Variants in ZNF521 observed in about 807,000 individuals in gnomAD.
The protein encoded by ZNF521 is LYST-interacting protein 3.
A neutral mutation model predicts 105.5 loss-of-function variants in ZNF521; 14 were observed. The observed-to-expected ratio is 0.13, with a 90% CI of 0.09 to 0.21. The LOEUF (loss-of-function observed/expected upper bound fraction) is 0.21. Among genes scored for constraint, ZNF521 ranks in the 10% least tolerant of loss-of-function variants. The pLI is 1.00. For synonymous variants in ZNF521, 635 were observed against 606.0 expected (o/e 1.05, Z -0.70); for missense variants, 1,233 against 1,629.7 (o/e 0.76, Z 4.19).
intron 4 of ZNF521, among the ~76,000 whole-genome samples, chr18:25,212,023 C>T (rs1264000427): frequency 6.6e-6 from 1 of 152,096 alleles, no homozygotes; most frequent in African/African-American, 2.4e-5. Flanking sequence ...TTGGAGAAAT[C>T]TCTGTGTGGT....
Position 25,227,764 on chromosome 18 carries a change from A to G in ZNF521, c.221-67T>C. On this transcript the variant is annotated intron_variant, in intron 3 of 7. Transcript: ENST00000361524. This position sits in a 1 kb window ranked among gnomAD's most constrained non-coding sequence, Gnocchi z 5.7. ...GATTCAAGAGTGAGTTTACCGTAGC[A>G]TTTCAACCAGCACGCAGAGTTGGGC... 7.2e-7 allele frequency: 1 copy of G among 1,383,080 alleles called. No homozygotes were observed. The highest frequency in any genetic ancestry group is 9.8e-7 in the Non-Finnish European group (1 of 1,016,200). The allele number at this position is 1,383,080 out of a possible 1,614,324, so 85.7% of individuals were successfully genotyped here.
intron 2 of ZNF521, 100 bp downstream of exon 2, chr18:25,350,803 ACACT>A (rs1221820306): frequency 1.7e-5 from 23 of 1,320,614 alleles, no homozygotes; most frequent in Non-Finnish European, 2.0e-5. Context: ...ACTCACACTC[ACACT>A]CACGCGCGCA....
At chr18:25,250,740 G>A (rs984905595) in intron 3 of ZNF521, among the ~76,000 whole-genome samples, 7 of 152,112 alleles carry the variant, frequency 4.6e-5, no homozygotes, top group African/African-American at 1.2e-4. Flanking sequence ...CTTTGGCTTC[G>A]ATTTCCCTCA....
chr18:25,227,011 C>G lies in ZNF521; in HGVS notation c.907G>C (p.Val303Leu). 1 of 1,614,162 alleles carries G rather than the reference C, an allele frequency of 6.2e-7. No homozygotes were observed. The highest frequency in any genetic ancestry group is 8.5e-7 in the Non-Finnish European group (1 of 1,180,020). ...ETSLMNHMEQVHSGEKKNSCS... is the reference protein window; with the variant it reads ...ETSLMNHMEQLHSGEKKNSCS... ...GAGTTCTTCTTCTCCCCGCTATGCA[C>G]CTGCTCCATGTGGTTCATGAGGGAG... Residue 303 changes from valine to leucine, a missense_variant, in exon 4 of 8, where the codon GTG (valine) becomes CTG (leucine). Val to Leu is a conservative substitution (Grantham distance 32, BLOSUM62 1). Transcript: ENST00000361524. The surrounding 1 kb of genome is among the most constrained non-coding windows in gnomAD (Gnocchi z 5.7).
chr18:25,204,863 T>C (rs1368107057), intron 4 of ZNF521, among the ~76,000 whole-genome samples: 2 of 152,142 alleles, frequency 1.3e-5, no homozygotes, highest in African/African-American at 2.4e-5. Flanking sequence ...TTTAATGTTA[T>C]GGTTTCAGTT....
intron 3 of ZNF521, among the ~76,000 whole-genome samples, chr18:25,275,779 C>T (rs542698993): frequency 6.6e-6 from 1 of 152,156 alleles, no homozygotes; most frequent in Admixed American, 6.5e-5. Context: ...GCCTACGCCA[C>T]GGAGACAGGA....
At chr18:25,065,704 G>A (rs1459714216) in intron 7 of ZNF521, among the ~76,000 whole-genome samples, 1 of 151,908 alleles carries the variant, frequency 6.6e-6, no homozygotes, top group African/African-American at 2.4e-5. Context: ...CACTCCACAT[G>A]TGATTGGATT....
At chr18:25,179,232 C>T (rs1320525546) in intron 5 of ZNF521, among the ~76,000 whole-genome samples, 2 of 138,818 alleles carry the variant, frequency 1.4e-5, no homozygotes, top group African/African-American at 2.7e-5. Flanking sequence ...CGGCTCACTG[C>T]AACCTCTGCC....
At chr18:25,142,114 G>A (rs546465305) in intron 5 of ZNF521, among the ~76,000 whole-genome samples, 3 of 152,198 alleles carry the variant, frequency 2.0e-5, no homozygotes, top group East Asian at 1.9e-4. Flanking sequence ...ACATATGGAA[G>A]AATGAGCTTG....
At chr18:25,243,120 C>T (rs1379080972) in intron 3 of ZNF521, among the ~76,000 whole-genome samples, 1 of 152,152 alleles carries the variant, frequency 6.6e-6, no homozygotes, top group Non-Finnish European at 1.5e-5. Context: ...AATGCTTCAT[C>T]TGATTAGATA....
At chr18:25,256,514 C>T (rs1908516507) in intron 3 of ZNF521, among the ~76,000 whole-genome samples, 1 of 152,050 alleles carries the variant, frequency 6.6e-6, no homozygotes, top group Non-Finnish European at 1.5e-5. Context: ...AAGGAGAGAG[C>T]AGTTATGTCA....
At chr18:25,327,566 GAA>G in intron 2 of ZNF521, 1 of 660,100 alleles carries the variant, frequency 1.5e-6, no homozygotes, top group South Asian at 1.4e-5. Flanking sequence ...TAAGAACAGA[GAA>G]AAAGTTACCT....
At chr18:25,158,568 G>A (rs899781905) in intron 5 of ZNF521, among the ~76,000 whole-genome samples, 4 of 152,008 alleles carry the variant, frequency 2.6e-5, no homozygotes, top group African/African-American at 7.2e-5. Flanking sequence ...ATGAAACCAC[G>A]AAAGCATGAA....
At chr18:25,217,820 TA>T (rs1478823140) in intron 4 of ZNF521, among the ~76,000 whole-genome samples, 4 of 152,186 alleles carry the variant, frequency 2.6e-5, no homozygotes, top group Non-Finnish European at 5.9e-5. Flanking sequence ...ATTTACTCCA[TA>T]TTATCTGCAC....
chr18:25,267,266 A>G (rs1909332099), intron 3 of ZNF521, among the ~76,000 whole-genome samples: 1 of 152,210 alleles, frequency 6.6e-6, no homozygotes. Context: ...AAAAAAAGTC[A>G]GCAGCCCCAG....
At chr18:25,164,504 C>T (rs1390491820) in intron 5 of ZNF521, among the ~76,000 whole-genome samples, 2 of 152,172 alleles carry the variant, frequency 1.3e-5, no homozygotes, top group African/African-American at 4.8e-5. Context: ...CGGAAAGAAA[C>T]TAGGAAGATC....
chr18:25,264,804 G>A (rs1909138470), intron 3 of ZNF521, among the ~76,000 whole-genome samples: 1 of 152,082 alleles, frequency 6.6e-6, no homozygotes, highest in Non-Finnish European at 1.5e-5. Context: ...TTATAAGAGG[G>A]AAGAAAACAG....
intron 3 of ZNF521, chr18:25,301,811 T>G (rs1600278589): frequency 6.6e-6 from 1 of 152,244 alleles, no homozygotes; most frequent in African/African-American, 2.4e-5. Context: ...GATAAATATC[T>G]GGTGCAACCT....
chr18:25,331,895 T>TTC (rs1329581571), intron 2 of ZNF521, among the ~76,000 whole-genome samples: 1 of 149,532 alleles, frequency 6.7e-6, no homozygotes, highest in African/African-American at 2.4e-5. Context: ...GCTTTTTTCT[T>TTC]TTTTTTTTTT....
Sources: allele counts gnomAD v4.1 joint callset (sites outside exome capture counted in the v4.1 genomes callset), GRCh38; gene constraint gnomAD v4.1.1; non-coding constraint Gnocchi (gnomAD v3.1); transcripts MANE v1.5; gene names NCBI Gene and HGNC (gene_info 2026-07-23, HGNC 2026-07-21).